Variants in NKAIN3 observed in about 807,000 individuals in gnomAD.
NKAIN3 encodes sodium/potassium-transporting ATPase subunit beta-1-interacting protein 3.
Under a neutral mutation model 30.2 loss-of-function variants are expected in NKAIN3, and 25 were observed. That is an observed-to-expected ratio of 0.83 (90% CI 0.60 to 1.16). The LOEUF is 1.16. Among genes scored for constraint, NKAIN3 ranks in the 50% most tolerant of loss-of-function variants. The pLI, the probability that NKAIN3 is intolerant of heterozygous loss-of-function variation, is 0.00. For missense variants in NKAIN3, 225 were observed against 254.1 expected (o/e 0.89, Z 0.78); for synonymous variants, 91 against 89.6 (o/e 1.02, Z -0.09).
chr8:62,815,827 A>C (rs1468203922), intron 4 of NKAIN3, among the ~76,000 whole-genome samples: 1 of 151,886 alleles, frequency 6.6e-6, no homozygotes. Context: ...GGAAGTTTTC[A>C]ATTGCATTCT....
chr8:62,342,240 A>G (rs1164851751), intron 1 of NKAIN3, among the ~76,000 whole-genome samples: 1 of 151,158 alleles, frequency 6.6e-6, no homozygotes, highest in Non-Finnish European at 1.5e-5. Flanking sequence ...TGAACCAAAA[A>G]AAAAAAAAAA....
At position 62,468,787 on chromosome 8, in the gene NKAIN3, C is replaced by A. The variant is rs544919770; in HGVS notation, c.55-110752C>A. On this transcript the variant is annotated intron_variant, in intron 1 of 6. Coordinates refer to ENST00000623646, the MANE Select transcript of NKAIN3 (RefSeq NM_001304533.3). ...TCTGCTTAATGTCATGTTTATGTTT[C>A]TGGGTAAGATTTCTGGAAGTAACTG... Among the ~76,000 whole-genome samples the A allele has an allele frequency of 2.4e-4, 37 of 152,122 alleles. No homozygotes were observed. In the South Asian group the frequency reaches 7.5e-3, roughly 31 times the overall value.
chr8:62,379,367 T>G (rs1817197211), intron 1 of NKAIN3, among the ~76,000 whole-genome samples: 4 of 152,208 alleles, frequency 2.6e-5, no homozygotes. Context: ...TGGGGACTGT[T>G]GAAAGGACAT....
chr8:62,933,702 A>G (rs1289892456), intron 5 of NKAIN3, among the ~76,000 whole-genome samples: 2 of 152,242 alleles, frequency 1.3e-5, no homozygotes, highest in East Asian at 3.8e-4. Flanking sequence ...ATCTAATTCC[A>G]AAGATCTGGA....
intron 1 of NKAIN3, among the ~76,000 whole-genome samples, chr8:62,552,766 G>A (rs191751420): frequency 2.6e-5 from 4 of 152,232 alleles, no homozygotes; most frequent in Admixed American, 1.3e-4. Context: ...CATTAAAAAC[G>A]CCACTTCTCC....
At chr8:62,652,576 T>A (rs1812657549) in intron 3 of NKAIN3, among the ~76,000 whole-genome samples, 1 of 152,090 alleles carries the variant, frequency 6.6e-6, no homozygotes, top group Admixed American at 6.6e-5. Flanking sequence ...AGCAAAAAAA[T>A]ATTTCTGAGG....
chr8:62,744,095 G>T (rs1815994557), intron 3 of NKAIN3, among the ~76,000 whole-genome samples: 1 of 152,116 alleles, frequency 6.6e-6, no homozygotes, highest in Non-Finnish European at 1.5e-5. Context: ...GCCTGCCTTG[G>T]GGAGAAAGGA....
At chr8:62,534,206 C>A (rs1166364952) in intron 1 of NKAIN3, among the ~76,000 whole-genome samples, 1 of 152,118 alleles carries the variant, frequency 6.6e-6, no homozygotes, top group Non-Finnish European at 1.5e-5. Flanking sequence ...TTCCAGTGAG[C>A]GTGCACAGGA....
chr8:62,346,672 A>G (rs989118594), intron 1 of NKAIN3, among the ~76,000 whole-genome samples: 1 of 152,110 alleles, frequency 6.6e-6, no homozygotes, highest in Non-Finnish European at 1.5e-5. Context: ...ACTTTCAGAC[A>G]TCATGGGAGT....
intron 4 of NKAIN3, among the ~76,000 whole-genome samples, chr8:62,840,717 G>GT (rs1476767834): frequency 6.6e-6 from 1 of 152,064 alleles, no homozygotes. Flanking sequence ...TCAGTTCCCA[G>GT]TTTCTATATT....
chr8:62,417,951 A>C (rs984930445), intron 1 of NKAIN3, among the ~76,000 whole-genome samples: 1 of 152,158 alleles, frequency 6.6e-6, no homozygotes, highest in Non-Finnish European at 1.5e-5. Context: ...AGAACAGTGG[A>C]GTGAAGGAGA....
intron 4 of NKAIN3, among the ~76,000 whole-genome samples, chr8:62,799,782 A>G (rs138991931): frequency 6.6e-6 from 1 of 152,346 alleles, no homozygotes; most frequent in Non-Finnish European, 1.5e-5. Flanking sequence ...TTGCAAAACT[A>G]TGGAATCAGC....
intron 3 of NKAIN3, among the ~76,000 whole-genome samples, chr8:62,662,137 T>C (rs1284289125): frequency 2.6e-5 from 4 of 152,154 alleles, no homozygotes; most frequent in Non-Finnish European, 4.4e-5. Flanking sequence ...GGAACAGAAA[T>C]TTCTGATCTC....
At chr8:62,365,833 T>A (rs1449421456) in intron 1 of NKAIN3, among the ~76,000 whole-genome samples, 1 of 152,178 alleles carries the variant, frequency 6.6e-6, no homozygotes, top group Non-Finnish European at 1.5e-5. Flanking sequence ...TAATTTGCAT[T>A]TGTCTGATTA....
At chr8:62,838,052 G>A (rs182307264) in intron 4 of NKAIN3, among the ~76,000 whole-genome samples, 55 of 151,996 alleles carry the variant, frequency 3.6e-4, no homozygotes, top group Non-Finnish European at 3.1e-4. Context: ...TGTATAGAGA[G>A]GAAGTACTTA....
At chr8:62,819,879 T>C (rs1818800089) in intron 4 of NKAIN3, among the ~76,000 whole-genome samples, 1 of 152,116 alleles carries the variant, frequency 6.6e-6, no homozygotes, top group Admixed American at 6.6e-5. Flanking sequence ...AATAAATACA[T>C]TTTGCTTTTT....
intron 3 of NKAIN3, among the ~76,000 whole-genome samples, chr8:62,622,171 G>A (rs925493150): frequency 2.9e-4 from 44 of 151,938 alleles, no homozygotes; most frequent in Admixed American, 2.0e-3. Context: ...ATGTGCCATG[G>A]TTTGTTTAAC....
chr8:62,850,947 T>C (rs867081053), intron 4 of NKAIN3, among the ~76,000 whole-genome samples: 1 of 152,084 alleles, frequency 6.6e-6, no homozygotes, highest in Non-Finnish European at 1.5e-5. Context: ...GGGGTCTTTT[T>C]TGGTTCCATA....
At chr8:62,360,134 C>T (rs940159715) in intron 1 of NKAIN3, among the ~76,000 whole-genome samples, 2 of 152,098 alleles carry the variant, frequency 1.3e-5, no homozygotes, top group East Asian at 1.9e-4. Flanking sequence ...GCCAGGAAGG[C>T]GGGGAGGAGG....
Sources: allele counts gnomAD v4.1 joint callset (sites outside exome capture counted in the v4.1 genomes callset), GRCh38; gene constraint gnomAD v4.1.1; transcripts MANE v1.5; gene names NCBI Gene and HGNC (gene_info 2026-07-23, HGNC 2026-07-21).